GABRQ: variants seen among roughly 807,000 people sequenced by gnomAD.
The protein encoded by GABRQ is gamma-aminobutyric acid type A receptor subunit theta.
In GABRQ, 19 loss-of-function variants were observed where a neutral mutation model predicts 30.5. That is an observed-to-expected ratio of 0.62 (90% CI 0.43 to 0.91). The LOEUF (loss-of-function observed/expected upper bound fraction) is 0.91. Ranked by LOEUF, GABRQ falls within the 40% of genes least tolerant of loss-of-function variation. The pLI is 0.00. For missense variants in GABRQ, 520 were observed against 521.4 expected, an observed-to-expected ratio of 1.00 and a Z score of 0.03; for synonymous variants, 187 against 210.2, an observed-to-expected ratio of 0.89 and a Z score of 0.95.
chrX:152,640,333 G>A (rs1602813768), intron 1 of GABRQ, 45 bp from the exon 2 acceptor site: 1 of 852,715 alleles, frequency 1.2e-6, no homozygotes. Flanking sequence ...ACTGGCAAGC[G>A]GGCCCCAAGT....
At chrX:152,641,971 T>C (rs1333470544) in intron 2 of GABRQ, among the ~76,000 whole-genome samples, 2 of 111,600 alleles carry the variant, frequency 1.8e-5, no homozygotes, top group African/African-American at 6.5e-5. Flanking sequence ...GGTTGACATC[T>C]CTGCAGGCAT....
chrX:152,658,859 AC>A (rs1569455257), downstream of GABRQ, among the ~76,000 whole-genome samples: 1 of 111,493 alleles, frequency 9.0e-6, no homozygotes, highest in African/African-American at 3.3e-5. Context: ...GAGAAATCCC[AC>A]CCTGATACAC....
chrX:152,642,105 C>T (rs1556818508), intron 2 of GABRQ, among the ~76,000 whole-genome samples: 2 of 111,689 alleles, frequency 1.8e-5, no homozygotes, highest in East Asian at 2.8e-4. Flanking sequence ...TTAGCCAAAC[C>T]GATGAAGGTA....
chrX:152,639,229 T>A (rs1370034094), intron 1 of GABRQ, among the ~76,000 whole-genome samples: 1 of 103,323 alleles, frequency 9.7e-6, no homozygotes, highest in Non-Finnish European at 2.0e-5. Flanking sequence ...TTAGGAATAA[T>A]TTTTAACAAT....
At position 152,637,955 on chromosome X, in the gene GABRQ, G is replaced by A. The variant is rs1228932901; in HGVS notation, c.-248G>A. Among the ~76,000 whole-genome samples, 1 of 113,349 alleles carries A rather than the reference G, an allele frequency of 8.8e-6. No homozygotes were observed. The highest frequency in any genetic ancestry group is 3.2e-5 in the African/African-American group (1 of 31,265). ...CTCGCAGCTGCCGGGCGGGCCCTGG[G>A]GGGAGCTGCGTCCAGCAGAGCTGCT... On this transcript the variant is annotated 5_prime_UTR_variant, in exon 1 of 9. Transcript: ENST00000598523.
At position 152,651,719 on chromosome X, in the gene GABRQ, C is replaced by G; in HGVS notation, c.1095C>G (p.His365Gln). 8.3e-7 allele frequency: 1 copy of G among 1,210,391 alleles called. No individual in the cohort carries two copies. Among genetic ancestry groups the G allele is most frequent in the Non-Finnish European group, 1.1e-6 (1 of 893,998 alleles). Residue 365 changes from histidine (H) to glutamine (Q), a missense_variant, in exon 8 of 9, where the codon CAC (histidine) becomes CAG (glutamine). His to Gln is a conservative substitution (Grantham distance 24). Coordinates refer to ENST00000598523, the MANE Select transcript of GABRQ (RefSeq NM_018558.4). ...GACCTCGGCGCCAGCCTAGGCGACA[C>G]AGGAGACCCCGAAGAGTCATTGCCC... ...SRGPRRQPRR[H>Q]RRPRRVIARY...
At position 152,649,350 on chromosome X, in the gene GABRQ, T is replaced by C. The variant is rs781798438; in HGVS notation, c.610+17T>C. ...TAGAGAGCTGTACGTATGTCTCCTA[T>C]GGCCCCTTCTTCCGTACTTGGGGCT... On this transcript the variant is annotated intron_variant, in intron 5 of 8. Coordinates refer to ENST00000598523, the MANE Select transcript of GABRQ (RefSeq NM_018558.4). 2.0e-6 allele frequency: 2 copies of C among 985,740 alleles called. No homozygotes were observed. The highest frequency in any genetic ancestry group is 2.9e-6 in the Non-Finnish European group (2 of 688,615). The allele number at this position is 985,740 out of a possible 1,213,427, so 81.2% of individuals were successfully genotyped here. A position where few individuals can be genotyped will look rare whatever the true frequency, so the allele number is the denominator to read the frequency against.
downstream of GABRQ, among the ~76,000 whole-genome samples, chrX:152,658,386 G>T (rs782581635): frequency 7.1e-5 from 8 of 112,027 alleles, no homozygotes; most frequent in Admixed American, 6.6e-4. Context: ...TGTACACACA[G>T]ACTGAACCAG....
At chrX:152,643,550 A>G (rs1556818706) in intron 2 of GABRQ, among the ~76,000 whole-genome samples, 1 of 112,322 alleles carries the variant, frequency 8.9e-6, no homozygotes. Flanking sequence ...GGAGCGAACG[A>G]TAAAAACGGA....
At chrX:152,645,170 C>T (rs782281368) in intron 2 of GABRQ, among the ~76,000 whole-genome samples, 1 of 112,710 alleles carries the variant, frequency 8.9e-6, no homozygotes, top group African/African-American at 3.2e-5. Flanking sequence ...CACACACAAA[C>T]ATGTGCACAC....
chrX:152,658,012 C>A (rs782373306), downstream of GABRQ, among the ~76,000 whole-genome samples: 18 of 112,100 alleles, frequency 1.6e-4, no homozygotes, highest in Non-Finnish European at 2.6e-4. Context: ...GTAGTGTTCT[C>A]AAAGAGAAAC....
In GABRQ at chrX:152,650,420, C is replaced by T; in HGVS notation, c.749-8C>T. 1.7e-6 allele frequency: 2 copies of T among 1,204,464 alleles called. No homozygotes were observed. The highest frequency in any genetic ancestry group is 2.2e-6 in the Non-Finnish European group (2 of 891,328). ...TGCCACCCTAATTCCAGTGTGTCTC[C>T]TTGCCAGGTTCCTACATACGCCTGA... is the stretch of plus-strand genomic sequence containing the variant. On this transcript the variant is annotated splice_polypyrimidine_tract_variant and splice_region_variant and intron_variant, in intron 6 of 8. Coordinates refer to ENST00000598523, the MANE Select transcript of GABRQ (RefSeq NM_018558.4).
Position 152,652,821 on chromosome X carries a change from C to T in GABRQ, c.1439C>T (p.Thr480Ile). 4.1e-6 allele frequency: 5 copies of T among 1,210,787 alleles called. No homozygotes were observed. The highest frequency in any genetic ancestry group is 3.4e-6 in the Non-Finnish European group (3 of 894,422). The change falls in exon 9 of 9, where the codon ACC (threonine) becomes ATC (isoleucine). Residue 480 changes from threonine to isoleucine, a missense_variant. Transcript: ENST00000598523. ...CAGGCTGATGACAGTATTATTCCTACCGAAATCCGCAACCGTGTCGAAGCC... is the reference window on the plus strand; with the variant it reads ...CAGGCTGATGACAGTATTATTCCTATCGAAATCCGCAACCGTGTCGAAGCC... ...GFQADDSIIP[T>I]EIRNRVEAHG...
chrX:152,648,350 CT>C (rs1221427376), intron 4 of GABRQ, among the ~76,000 whole-genome samples: 3 of 104,910 alleles, frequency 2.9e-5, no homozygotes, highest in Admixed American at 1.0e-4. Flanking sequence ...GATTCTTCTT[CT>C]TTTTTTTATT....
rs970585130 is a variant in GABRQ at position 152,652,557 on chromosome X, T to C, written c.1175T>C (p.Val392Ala). The C allele has an allele frequency of 8.3e-7, 1 of 1,207,371 alleles. No homozygotes were observed. Among genetic ancestry groups the C allele is most frequent in the Non-Finnish European group, 1.1e-6 (1 of 892,911 alleles). ...VGNVQDGLIN[V>A]EDGVSSLPIT... ...TCCTCAAAGGATGGCCTGATTAACG[T>C]GGAAGACGGAGTCAGCTCTCTCCCC... Residue 392 changes from valine to alanine, a missense_variant, in exon 9 of 9, where the codon GTG (valine) becomes GCG (alanine). By Grantham distance (64) the Val-to-Ala change is moderately conservative. Transcript: ENST00000598523.
rs372832711 is a variant in GABRQ, at chrX:152,649,836, C to T, written c.705C>T (p.Phe235=). ...AGCTGCATATCCCTCAGTTCACTTTCCTGGGAAGGACGATTACTAGCAAGG... is the reference window on the plus strand; with the variant it reads ...AGCTGCATATCCCTCAGTTCACTTTTCTGGGAAGGACGATTACTAGCAAGG... ...TEELHIPQFT[F]LGRTITSKEV... is the part of the protein sequence containing the mutation. Residue 235 remains phenylalanine, a synonymous_variant, in exon 6 of 9, where the codon TTC becomes TTT. Transcript: ENST00000598523. 2.5e-6 allele frequency: 3 copies of T among 1,198,748 alleles called. No homozygotes were observed. Among genetic ancestry groups the T allele is most frequent in the Non-Finnish European group, 3.4e-6 (3 of 885,426 alleles).
chrX:152,640,178 G>A (rs1019200155), intron 1 of GABRQ, among the ~76,000 whole-genome samples, 200 bp from the exon 2 acceptor site: 4 of 110,476 alleles, frequency 3.6e-5, no homozygotes, highest in Non-Finnish European at 5.7e-5. Context: ...GGTGGGGGGG[G>A]GAGGAAAGAG....
Position 152,650,462 on chromosome X carries a change from T to C in GABRQ, c.783T>C (p.Val261=), listed in dbSNP as rs781824421. Residue 261 remains valine, a synonymous_variant, in exon 7 of 9, where the codon GTT becomes GTC. Coordinates refer to ENST00000598523, the MANE Select transcript of GABRQ (RefSeq NM_018558.4). ...SYIRLILKFQ[V]QREVNSYLVQ... ...TACGCCTGATACTGAAGTTCCAGGT[T>C]CAGAGGGAAGTTAACAGCTACCTTG... is the stretch of plus-strand genomic sequence containing the variant. 8.3e-7 allele frequency: 1 copy of C among 1,207,237 alleles called. No individual in the cohort carries two copies. Among genetic ancestry groups the C allele is most frequent in the Non-Finnish European group, 1.1e-6 (1 of 891,635 alleles).
chrX:152,640,227 T>A (rs1295167352), intron 1 of GABRQ, 151 bp from the exon 2 acceptor site: 3 of 469,563 alleles, frequency 6.4e-6, no homozygotes, highest in African/African-American at 4.8e-5. Flanking sequence ...TGACTCACCA[T>A]GGGGAGGGAG....
Sources: allele counts gnomAD v4.1 joint callset (sites outside exome capture counted in the v4.1 genomes callset), GRCh38; gene constraint gnomAD v4.1.1; transcripts MANE v1.5; gene names NCBI Gene and HGNC (gene_info 2026-07-23, HGNC 2026-07-21).